EFL1: variants seen among roughly 807,000 people sequenced by gnomAD.
The protein encoded by EFL1 is elongation factor-like GTPase 1.
In EFL1, 76 loss-of-function variants were observed where a neutral mutation model predicts 126.7. The ratio of observed to expected loss-of-function variants is 0.60; its 90% CI spans 0.50 to 0.73. The LOEUF (loss-of-function observed/expected upper bound fraction) is 0.73, where lower values mean the gene tolerates loss of function less well. Among genes scored for constraint, EFL1 ranks in the 30% least tolerant of loss-of-function variants. The pLI, the probability that EFL1 is intolerant of heterozygous loss-of-function variation, is 0.00. For missense variants in EFL1, 1,128 were observed against 1,343.2 expected, an observed-to-expected ratio of 0.84 and a Z score of 2.50; for synonymous variants, 410 against 448.4, an observed-to-expected ratio of 0.91 and a Z score of 1.08.
At chr15:82,161,555 C>G (rs1460548480) in intron 16 of EFL1, among the ~76,000 whole-genome samples, 1 of 152,068 alleles carries the variant, frequency 6.6e-6, no homozygotes, top group African/African-American at 2.4e-5. Flanking sequence ...GTAACACAGT[C>G]AATAAATGCA....
At chr15:82,229,155 G>T in intron 8 of EFL1, 45 bp from the exon 9 acceptor site, 4 of 1,430,738 alleles carry the variant, frequency 2.8e-6, no homozygotes, top group South Asian at 1.3e-5. Flanking sequence ...ACATTTAATA[G>T]GCATTTATAT....
intron 7 of EFL1, chr15:82,233,783 C>T (rs1272168541): frequency 6.6e-6 from 1 of 152,148 alleles, no homozygotes; most frequent in Non-Finnish European, 1.5e-5. Context: ...TTAATCCTTT[C>T]CCACTGCAGA....
At chr15:82,185,169 CTGTGTGTGTGTGTGTGTG>C (rs71156029) in intron 15 of EFL1, among the ~76,000 whole-genome samples, 1,629 of 139,986 alleles carry the variant, frequency 0.012, 32 homozygotes, top group Admixed American at 0.039. Context: ...TCATGTGTGG[CTGTGTGTGTGTGTGTGTG>C]TGTGTGTGTG....
intron 16 of EFL1, among the ~76,000 whole-genome samples, chr15:82,163,592 C>G (rs140490622): frequency 4.3e-4 from 66 of 152,164 alleles, no homozygotes; most frequent in Admixed American, 1.1e-3. Context: ...CAATCCTATG[C>G]CAGGGTTGTG....
chr15:82,183,552 G>C (rs2074273524), intron 15 of EFL1, among the ~76,000 whole-genome samples: 1 of 152,222 alleles, frequency 6.6e-6, no homozygotes, highest in South Asian at 2.1e-4. Context: ...GGGGCCAGCT[G>C]AGAACAGGTT....
chr15:82,247,094 G>A (rs1329900618), intron 4 of EFL1, among the ~76,000 whole-genome samples: 2 of 152,180 alleles, frequency 1.3e-5, no homozygotes, highest in Admixed American at 6.5e-5. Flanking sequence ...GTATGAAGCA[G>A]GAAATGAATG....
At chr15:82,219,996 T>C in intron 13 of EFL1, 82 bp downstream of exon 13, 4 of 1,509,994 alleles carry the variant, frequency 2.6e-6, no homozygotes, top group Non-Finnish European at 3.5e-6. Flanking sequence ...AGCTTAAAAA[T>C]CTCAAGAACT....
intron 15 of EFL1, among the ~76,000 whole-genome samples, chr15:82,192,971 TG>T (rs2074374700): frequency 6.6e-6 from 1 of 152,122 alleles, no homozygotes; most frequent in Admixed American, 6.5e-5. Context: ...GTCAGAGAAG[TG>T]GTGGCAAAGA....
chr15:82,230,778 G>C, intron 8 of EFL1, 70 bp downstream of exon 8: 1 of 1,498,468 alleles, frequency 6.7e-7, no homozygotes, highest in Admixed American at 2.3e-5. Flanking sequence ...ATTTATTAAA[G>C]ATATTACAGT....
At chr15:82,212,394 C>T (rs2651685) in intron 15 of EFL1, among the ~76,000 whole-genome samples, 1 of 152,172 alleles carries the variant, frequency 6.6e-6, no homozygotes, top group African/African-American at 2.4e-5. Flanking sequence ...ACAAGCCCAG[C>T]AAGGTTACAT....
At chr15:82,245,836 G>A (rs1291324831) in intron 4 of EFL1, among the ~76,000 whole-genome samples, 6 of 151,788 alleles carry the variant, frequency 4.0e-5, no homozygotes, top group Non-Finnish European at 8.8e-5. Flanking sequence ...TCGGGAGGCT[G>A]AGGCAGGAGG....
chr15:82,258,971 G>C (rs2075089556), intron 3 of EFL1, 117 bp downstream of exon 3: 1 of 907,466 alleles, frequency 1.1e-6, no homozygotes, highest in African/African-American at 1.7e-5. Context: ...GCAGCTTTTA[G>C]ACGCAAGAAT....
At chr15:82,236,922 T>C (rs2074878642) in intron 7 of EFL1, among the ~76,000 whole-genome samples, 1 of 152,124 alleles carries the variant, frequency 6.6e-6, no homozygotes, top group South Asian at 2.1e-4. Context: ...GGCGGATCAC[T>C]TGAGGTCAGG....
intron 15 of EFL1, among the ~76,000 whole-genome samples, chr15:82,208,065 C>T (rs1460329037): frequency 6.6e-6 from 1 of 152,158 alleles, no homozygotes; most frequent in Non-Finnish European, 1.5e-5. Context: ...TTACACTATA[C>T]TGAAAGTCAT....
At chr15:82,206,277 A>G (rs1434762667) in intron 15 of EFL1, among the ~76,000 whole-genome samples, 1 of 152,196 alleles carries the variant, frequency 6.6e-6, no homozygotes, top group Non-Finnish European at 1.5e-5. Context: ...ACCAAGACTT[A>G]AAGATGATAC....
At chr15:82,226,467 A>G (rs1267834945) in intron 11 of EFL1, among the ~76,000 whole-genome samples, 2 of 152,202 alleles carry the variant, frequency 1.3e-5, no homozygotes, top group Admixed American at 6.5e-5. Flanking sequence ...TTGGAGTGTG[A>G]GATAAATATA....
intron 2 of EFL1, among the ~76,000 whole-genome samples, chr15:82,259,538 ACTG>A (rs2075095061): frequency 6.6e-6 from 1 of 152,212 alleles, no homozygotes; most frequent in African/African-American, 2.4e-5. Context: ...CATATCTCTT[ACTG>A]TTTGTAATAT....
chr15:82,200,364 A>G lies in EFL1; in HGVS notation c.1750+14353T>C, dbSNP rs528728936. 2.6e-5 allele frequency among the ~76,000 whole-genome samples: 4 copies of G among 152,354 alleles called. No individual in the cohort carries two copies. In the East Asian group the frequency reaches 7.7e-4, roughly 29 times the overall value. ...ACCTATGAGAATACTATACAAAATAACAACTTTAGGCAGAGGCAATTGAGT... is the reference window on the plus strand; with the variant it reads ...ACCTATGAGAATACTATACAAAATAGCAACTTTAGGCAGAGGCAATTGAGT... On this transcript the variant is annotated intron_variant, in intron 15 of 19. Transcript: ENST00000268206.
In EFL1 at chr15:82,151,761, T is replaced by C; in HGVS notation, c.2693A>G (p.Asp898Gly). Residue 898 changes from aspartate to glycine, a missense_variant, in exon 18 of 20, where the codon GAC becomes GGC. This residue lies in a region of EFL1 where 561 missense variants were observed against 641.7 expected (regional missense o/e 0.87). Coordinates refer to ENST00000268206, the MANE Select transcript of EFL1 (RefSeq NM_024580.6). ...TCCTTGTTCCTCAAATTTACTTAGG[T>C]CCCATTTTTCCAGAACAAAACAGAC... ...MGVCFVLEKW[D>G]LSKFEEQGAS... 6.2e-7 allele frequency: 1 copy of C among 1,614,104 alleles called. No homozygotes were observed. The highest frequency in any genetic ancestry group is 8.5e-7 in the Non-Finnish European group (1 of 1,180,020).
Sources: allele counts gnomAD v4.1 joint callset (sites outside exome capture counted in the v4.1 genomes callset), GRCh38; gene constraint gnomAD v4.1.1; regional missense constraint gnomAD v4.1.1; transcripts MANE v1.5; gene names NCBI Gene and HGNC (gene_info 2026-07-23, HGNC 2026-07-21).